The following RHNO1 variants were observed in gnomAD, a reference collection of about 807,000 sequenced individuals.
RHNO1 encodes the protein RAD9-HUS1-RAD1 interacting nuclear orphan 1.
A neutral mutation model predicts 7.2 loss-of-function variants in RHNO1; 9 were observed. The observed-to-expected ratio is 1.25, with a 90% confidence interval of 0.75 to 2.18. RHNO1 has a LOEUF of 2.18. RHNO1 is among the 30% of genes most tolerant of loss of function. The pLI is 0.00. For synonymous variants in RHNO1, 95 were observed against 107.5 expected, an observed-to-expected ratio of 0.88 and a Z score of 0.72; for missense variants, 292 against 284.5, an observed-to-expected ratio of 1.03 and a Z score of -0.19.
At chr12:2,881,642 C>T (rs527625112) in intron 1 of RHNO1, among the ~76,000 whole-genome samples, 8 of 152,128 alleles carry the variant, frequency 5.3e-5, no homozygotes, top group Admixed American at 6.5e-5. Flanking sequence ...CATGGTGGCT[C>T]ACGCCTGTAA....
chr12:2,883,511 A>ATTTTT (rs869192550), intron 1 of RHNO1, among the ~76,000 whole-genome samples: 4 of 26,826 alleles, frequency 1.5e-4, no homozygotes, highest in Non-Finnish European at 2.5e-4. Flanking sequence ...ATATATATAT[A>ATTTTT]TTTTTTTTTT....
At chr12:2,879,457 T>G (rs533025035) in intron 1 of RHNO1, among the ~76,000 whole-genome samples, 36 of 151,984 alleles carry the variant, frequency 2.4e-4, no homozygotes, top group African/African-American at 8.7e-4. Flanking sequence ...CTCAGCCTCC[T>G]GAGTAGCTGG....
chr12:2,885,647 T>C, intron 2 of RHNO1, 113 bp downstream of exon 2: 3 of 952,014 alleles, frequency 3.2e-6, no homozygotes, highest in Non-Finnish European at 4.4e-6. Context: ...CGATCTTGGC[T>C]CACTGCAAGC....
At chr12:2,883,511 A>ATATT (rs2098161542) in intron 1 of RHNO1, among the ~76,000 whole-genome samples, 23 of 26,836 alleles carry the variant, frequency 8.6e-4, no homozygotes, top group Non-Finnish European at 1.3e-3. Context: ...ATATATATAT[A>ATATT]TTTTTTTTTT....
intron 2 of RHNO1, among the ~76,000 whole-genome samples, chr12:2,887,663 A>G (rs1018344306): frequency 6.6e-6 from 1 of 152,098 alleles, no homozygotes; most frequent in African/African-American, 2.4e-5. Flanking sequence ...GAAGAAAAAA[A>G]GTTATATCCA....
intron 1 of RHNO1, among the ~76,000 whole-genome samples, chr12:2,879,417 C>T (rs2098154451): frequency 6.6e-6 from 1 of 151,892 alleles, no homozygotes; most frequent in South Asian, 2.1e-4. Context: ...ACTGCAGCCT[C>T]CACCTCCTGG....
Position 2,887,989 on chromosome 12 carries a change from A to G in RHNO1, c.247A>G (p.Ser83Gly), listed in dbSNP as rs761283713. 5.0e-6 allele frequency: 8 copies of G among 1,613,944 alleles called. No homozygotes were observed. Among genetic ancestry groups the G allele is most frequent in the Non-Finnish European group, 6.8e-6 (8 of 1,179,978 alleles). ...ACACCAAAACCGGGCGAGACACTCA[A>G]GTCGAAAACCTACCACCTCCAAGTT... ...QKHQNRARHSSRKPTTSKFPH... is the reference protein window; with the variant it reads ...QKHQNRARHSGRKPTTSKFPH... The change falls in exon 3 of 3, where the codon AGT becomes GGT. Residue 83 changes from serine to glycine, a missense_variant. Physicochemically the swap from Ser to Gly is moderately conservative, Grantham distance 56 (BLOSUM62 0). Transcript: ENST00000489288.
rs1454873154 is a variant in RHNO1, at chr12:2,885,560, CATTTTTTTTTTTT to C, written c.168+27_168+39del. On this transcript the variant is annotated intron_variant, in intron 2 of 2. Transcript: ENST00000489288. ...GTAGGCCCATGGGATTACTATTTGA[CATTTTTTTTTTTT>C]TTTTTTTTTTTTTTTTTTTGAGACG... is the stretch of plus-strand genomic sequence containing the variant. The C allele has an allele frequency of 1.6e-3, 1,165 of 737,090 alleles. 19 individuals carry two copies. The highest frequency in any genetic ancestry group is 2.5e-3 in the East Asian group (74 of 29,622). 45.7% of individuals were successfully genotyped at this position (737,090 alleles called of 1,614,324 possible).
chr12:2,887,627 G>A (rs766583487), intron 2 of RHNO1, among the ~76,000 whole-genome samples: 4 of 152,116 alleles, frequency 2.6e-5, no homozygotes, highest in African/African-American at 7.2e-5. Context: ...CAGCCTAGAC[G>A]TCGGAGTGAG....
rs1340773743 is a variant in RHNO1 at position 2,887,235 on chromosome 12, T to C, written c.169-676T>C. On this transcript the variant is annotated intron_variant, in intron 2 of 2. Coordinates refer to ENST00000489288, the MANE Select transcript of RHNO1 (RefSeq NM_001252499.3). The stretch of plus-strand genomic sequence containing the variant: ...ACTCATGCCTGTAATCCCAGCACTT[T>C]GGAAGGCCGGGGTGGGTGGATCACC... 4.8e-5 allele frequency: 12 copies of C among 247,924 alleles called. No individual in the cohort carries two copies. In the South Asian group the frequency reaches 5.5e-4, roughly 11 times the overall value. The allele number at this position is 247,924 out of a possible 1,614,324, so 15.4% of individuals were successfully genotyped here. A position where few individuals can be genotyped will look rare whatever the true frequency, so the allele number is the denominator to read the frequency against.
rs770713695 is a variant in RHNO1, at chr12:2,885,435, G to T, written c.69G>T (p.Leu23=). ...KAPLLFHQQP[L]EGPKHSCAST... Reference sequence around the variant, plus strand: ...CGCTGCTGTTCCACCAACAACCACTGGAGGGCCCCAAACACAGCTGTGCAT... The same window carrying T: ...CGCTGCTGTTCCACCAACAACCACTTGAGGGCCCCAAACACAGCTGTGCAT... The change falls in exon 2 of 3, where the codon CTG becomes CTT. Residue 23 remains leucine, a synonymous_variant. Coordinates refer to ENST00000489288, the MANE Select transcript of RHNO1 (RefSeq NM_001252499.3). 6.2e-7 allele frequency: 1 copy of T among 1,613,664 alleles called. No homozygotes were observed. Among genetic ancestry groups the T allele is most frequent in the Non-Finnish European group, 8.5e-7 (1 of 1,179,878 alleles).
At chr12:2,877,332 C>T (rs2098147769) in intron 1 of RHNO1, 50 bp downstream of exon 1, 1 of 151,962 alleles carries the variant, frequency 6.6e-6, no homozygotes, top group African/African-American at 2.4e-5. Context: ...GCCGTGGGGC[C>T]GGGGAGGGGC....
rs2098168045 is a variant in RHNO1, at chr12:2,888,291, T to C, written c.549T>C (p.Thr183=). 1 of 1,614,014 alleles carries C rather than the reference T, an allele frequency of 6.2e-7. No homozygotes were observed. The highest frequency in any genetic ancestry group is 8.5e-7 in the Non-Finnish European group (1 of 1,180,042). Residue 183 remains threonine, a synonymous_variant, in exon 3 of 3, where the codon ACT becomes ACC. Transcript: ENST00000489288. ...AGGAAAACAGCCTTCTAAGCTGCAC[T>C]CTTCACACTGGCACTCCTAATAGCC... ...DQKENSLLSC[T]LHTGTPNSPE... is the part of the protein sequence containing the mutation.
At chr12:2,880,764 G>A (rs1237048173) in intron 1 of RHNO1, among the ~76,000 whole-genome samples, 1 of 151,948 alleles carries the variant, frequency 6.6e-6, no homozygotes, top group Non-Finnish European at 1.5e-5. Flanking sequence ...CTCCCAAGTA[G>A]CTGGGACTAC....
rs2098167491 is a variant in RHNO1, at chr12:2,887,909, AG to A, written c.169del. 5 of 1,526,560 alleles carry A rather than the reference AG, an allele frequency of 3.3e-6. No individual in the cohort carries two copies. Among genetic ancestry groups the A allele is most frequent in the Non-Finnish European group, 4.4e-6 (5 of 1,140,458 alleles). 94.6% of individuals were successfully genotyped at this position (1,526,560 alleles called of 1,614,324 possible). A position where few individuals can be genotyped will look rare whatever the true frequency, so the allele number is the denominator to read the frequency against. On this transcript the variant is annotated splice_acceptor_variant, in intron 2 of 2. Coordinates refer to ENST00000489288, the MANE Select transcript of RHNO1 (RefSeq NM_001252499.3). LOFTEE classifies it high-confidence loss of function. Reference sequence around the variant, plus strand: ...TCACCTCACTTTTTTTTTTTTTTTAAGGTATCACCTGATTTTGATACAGCAG... The same window carrying A: ...TCACCTCACTTTTTTTTTTTTTTTAAGTATCACCTGATTTTGATACAGCAG...
intron 1 of RHNO1, among the ~76,000 whole-genome samples, chr12:2,880,926 A>G (rs986751990): frequency 6.6e-6 from 1 of 151,938 alleles, no homozygotes; most frequent in African/African-American, 2.4e-5. Flanking sequence ...GGCGTGAGCT[A>G]CTGCACCTAG....
rs1334504049 is a variant in RHNO1 at position 2,888,363 on chromosome 12, T to C, written c.621T>C (p.Tyr207=). Residue 207 remains tyrosine (Y), a synonymous_variant, in exon 3 of 3, where the codon TAT becomes TAC. Coordinates refer to ENST00000489288, the MANE Select transcript of RHNO1 (RefSeq NM_001252499.3). The part of the protein sequence containing the change: ...VLVKDTPEDK[Y]GIKVTWRRRQ... ...TTAAAGACACCCCCGAGGACAAGTA[T>C]GGAATAAAGGTCACATGGAGGAGAC... 1.2e-6 allele frequency: 2 copies of C among 1,614,088 alleles called. No homozygotes were observed. The highest frequency in any genetic ancestry group is 2.2e-5 in the South Asian group (2 of 91,066).
rs1416088321 is a variant in RHNO1, at chr12:2,888,139, A to G, written c.397A>G (p.Ser133Gly). ...CAGAAGACCCTTAGTTCCAGTGCTC[A>G]GTCCCCAAAGCTGTGGGAACATGTC... ...VSRRPLVPVL[S>G]PQSCGNMSVQ... Residue 133 changes from serine (S) to glycine (G), a missense_variant, in exon 3 of 3, where the codon AGT becomes GGT. Ser to Gly is a moderately conservative substitution (Grantham distance 56, BLOSUM62 0). Coordinates refer to ENST00000489288, the MANE Select transcript of RHNO1 (RefSeq NM_001252499.3). The G allele has an allele frequency of 6.2e-7, 1 of 1,613,916 alleles. No individual in the cohort carries two copies. Among genetic ancestry groups the G allele is most frequent in the Non-Finnish European group, 8.5e-7 (1 of 1,179,924 alleles).
In RHNO1 at chr12:2,885,436, G is replaced by C. The variant is rs774273779; in HGVS notation, c.70G>C (p.Glu24Gln). ...APLLFHQQPL[E>Q]GPKHSCASTQ... ...GCTGCTGTTCCACCAACAACCACTGGAGGGCCCCAAACACAGCTGTGCATC... is the reference window on the plus strand; with the variant it reads ...GCTGCTGTTCCACCAACAACCACTGCAGGGCCCCAAACACAGCTGTGCATC... Residue 24 changes from glutamate (E) to glutamine (Q), a missense_variant, in exon 2 of 3, where the codon GAG (glutamate) becomes CAG (glutamine). Glu to Gln is a conservative substitution (Grantham distance 29). Transcript: ENST00000489288. The C allele has an allele frequency of 1.9e-6, 3 of 1,613,664 alleles. No individual in the cohort carries two copies. In the South Asian group the frequency reaches 3.3e-5, roughly 18 times the overall value.
Sources: gnomAD v4.1 joint callset for allele counts (sites outside exome capture counted in the v4.1 genomes callset) on GRCh38, gnomAD v4.1.1 for gene constraint, MANE v1.5 for transcripts, NCBI Gene and HGNC (gene_info 2026-07-23, HGNC 2026-07-21) for gene names.